SLC39A11: variants seen among roughly 807,000 people sequenced by gnomAD.
The protein encoded by SLC39A11 is zinc transporter ZIP11.
Under a neutral mutation model 36.1 loss-of-function variants are expected in SLC39A11, and 33 were observed. That is an observed-to-expected ratio of 0.91 (90% CI 0.69 to 1.22). SLC39A11 has a LOEUF of 1.22. Ranked by LOEUF, SLC39A11 falls within the 50% of genes most tolerant of loss-of-function variation. The pLI, the probability that SLC39A11 is intolerant of heterozygous loss-of-function variation, is 0.00. For missense variants in SLC39A11, 432 were observed against 430.3 expected (o/e 1.00, Z -0.03); for synonymous variants, 166 against 170.3 (o/e 0.97, Z 0.20).
At chr17:72,936,411 T>TAAAAAAAA (rs746428868) in intron 5 of SLC39A11, among the ~76,000 whole-genome samples, 15 of 73,458 alleles carry the variant, frequency 2.0e-4, no homozygotes, top group African/African-American at 5.0e-4. Context: ...TGAAAAAAAG[T>TAAAAAAAA]AAAAAAAAAA....
intron 6 of SLC39A11, among the ~76,000 whole-genome samples, chr17:72,789,999 C>T (rs2076646056): frequency 6.6e-6 from 1 of 152,122 alleles, no homozygotes; most frequent in Non-Finnish European, 1.5e-5. Flanking sequence ...TGCCAGAATG[C>T]TATGAAAGCT....
chr17:72,837,122 G>C (rs976728335), intron 6 of SLC39A11, among the ~76,000 whole-genome samples: 1 of 152,058 alleles, frequency 6.6e-6, no homozygotes, highest in Non-Finnish European at 1.5e-5. Context: ...CAAGCTGAAG[G>C]TCCAGGCTCA....
chr17:72,799,772 G>A (rs1034849749), intron 6 of SLC39A11, among the ~76,000 whole-genome samples: 2 of 151,818 alleles, frequency 1.3e-5, no homozygotes, highest in African/African-American at 4.8e-5. Context: ...AAGACAATAT[G>A]TGCACCGCTG....
intron 5 of SLC39A11, among the ~76,000 whole-genome samples, chr17:72,879,019 C>G (rs1239405415): frequency 6.6e-6 from 1 of 152,212 alleles, no homozygotes; most frequent in Non-Finnish European, 1.5e-5. Context: ...CCATTTATTA[C>G]AAAGAGTATT....
At chr17:72,654,745 C>G (rs2070025934) in intron 7 of SLC39A11, among the ~76,000 whole-genome samples, 1 of 152,086 alleles carries the variant, frequency 6.6e-6, no homozygotes, top group East Asian at 1.9e-4. Flanking sequence ...GTGGCTGGCT[C>G]TCAGTCCGCT....
chr17:72,991,690 C>A (rs558713863), intron 4 of SLC39A11, among the ~76,000 whole-genome samples: 1 of 152,310 alleles, frequency 6.6e-6, no homozygotes, highest in South Asian at 2.1e-4. Context: ...GGCTACTTAG[C>A]CATGCTATCT....
At chr17:73,015,937 T>G (rs545522883) in intron 4 of SLC39A11, among the ~76,000 whole-genome samples, 1 of 152,266 alleles carries the variant, frequency 6.6e-6, no homozygotes, top group African/African-American at 2.4e-5. Context: ...CTTTCTCATC[T>G]TAGACTATGA....
At chr17:72,888,171 G>A (rs1032411634) in intron 5 of SLC39A11, among the ~76,000 whole-genome samples, 1 of 152,176 alleles carries the variant, frequency 6.6e-6, no homozygotes, top group Non-Finnish European at 1.5e-5. Flanking sequence ...CTGTGCATGA[G>A]GTGGAGAACC....
intron 5 of SLC39A11, among the ~76,000 whole-genome samples, chr17:72,939,809 C>T (rs1409687216): frequency 6.6e-6 from 1 of 152,202 alleles, no homozygotes; most frequent in Non-Finnish European, 1.5e-5. Context: ...CTGTTTTAAG[C>T]AGCTCTGTAT....
In SLC39A11 at chr17:72,963,391, T is replaced by C. The variant is rs368120007; in HGVS notation, c.307-15516A>G. 4.4e-3 allele frequency among the ~76,000 whole-genome samples: 669 copies of C among 151,696 alleles called. 13 individuals are homozygous for C. In the South Asian group the frequency reaches 0.056, roughly 13 times the overall value. On this transcript the variant is annotated intron_variant, in intron 4 of 9. Transcript: ENST00000255559. ...TTCACCGTGTTAGCCAGGATGGTCT[T>C]GATCTCCTGACCTCGTGATCCGCCC...
At chr17:72,761,607 T>A (rs2075579598) in intron 6 of SLC39A11, among the ~76,000 whole-genome samples, 1 of 152,184 alleles carries the variant, frequency 6.6e-6, no homozygotes, top group Non-Finnish European at 1.5e-5. Flanking sequence ...ATGTCTGCAT[T>A]TGAAAGATAA....
chr17:72,992,631 C>A (rs181068554), intron 4 of SLC39A11, among the ~76,000 whole-genome samples: 1 of 152,280 alleles, frequency 6.6e-6, no homozygotes, highest in Admixed American at 6.5e-5. Flanking sequence ...AACTCTATAA[C>A]GTCTTTTGTC....
chr17:73,088,009 GA>G (rs1223627974), intron 2 of SLC39A11, among the ~76,000 whole-genome samples: 2 of 152,144 alleles, frequency 1.3e-5, no homozygotes, highest in Admixed American at 1.3e-4. Flanking sequence ...AGGCCTGAAA[GA>G]AATTACATGG....
At chr17:72,750,191 A>G (rs2075100870) in intron 6 of SLC39A11, among the ~76,000 whole-genome samples, 1 of 152,194 alleles carries the variant, frequency 6.6e-6, no homozygotes. Flanking sequence ...TCACATCCCC[A>G]GGAAGTGGAT....
chr17:72,757,179 TAAATA>T (rs563144269), intron 6 of SLC39A11, among the ~76,000 whole-genome samples: 1 of 151,108 alleles, frequency 6.6e-6, no homozygotes, highest in African/African-American at 2.4e-5. Flanking sequence ...AAATAAATAA[TAAATA>T]AAATAAAATA....
chr17:72,787,693 G>C (rs2076568626), intron 6 of SLC39A11, among the ~76,000 whole-genome samples: 2 of 152,116 alleles, frequency 1.3e-5, no homozygotes, highest in South Asian at 4.1e-4. Flanking sequence ...GAATCTTGGA[G>C]GTAAACATCA....
At chr17:72,745,273 C>T (rs1394990623) in intron 6 of SLC39A11, among the ~76,000 whole-genome samples, 5 of 152,230 alleles carry the variant, frequency 3.3e-5, no homozygotes, top group South Asian at 2.1e-4. Flanking sequence ...TGGCAGAGCC[C>T]GCTGCTGGGG....
intron 6 of SLC39A11, among the ~76,000 whole-genome samples, chr17:72,739,067 T>A (rs1386104314): frequency 6.6e-6 from 1 of 151,996 alleles, no homozygotes; most frequent in East Asian, 1.9e-4. Context: ...TTGTGCTTGA[T>A]CTCCTGCGGG....
intron 5 of SLC39A11, among the ~76,000 whole-genome samples, chr17:72,905,280 T>C (rs775349060): frequency 4.0e-4 from 60 of 149,244 alleles, no homozygotes; most frequent in Middle Eastern, 3.6e-3. Flanking sequence ...TCTGTTTCTG[T>C]TTCCTATTTT....
Sources: gnomAD v4.1 joint callset for allele counts (sites outside exome capture counted in the v4.1 genomes callset) on GRCh38, gnomAD v4.1.1 for gene constraint, MANE v1.5 for transcripts, NCBI Gene and HGNC (gene_info 2026-07-23, HGNC 2026-07-21) for gene names.